TANGO6: variants seen among roughly 807,000 people sequenced by gnomAD.
TANGO6 encodes transport and Golgi organization protein 6 homolog.
TANGO6 carries 90 observed loss-of-function variants against 114.2 expected under a neutral mutation model. That is an observed-to-expected ratio of 0.79 (90% CI 0.66 to 0.94). The LOEUF (loss-of-function observed/expected upper bound fraction) is 0.94, where lower values mean the gene tolerates loss of function less well. TANGO6 is among the 40% of genes least tolerant of loss of function. The pLI, the probability that TANGO6 is intolerant of heterozygous loss-of-function variation, is 0.00. For synonymous variants in TANGO6, 477 were observed against 509.8 expected (o/e 0.94, Z 0.87); for missense variants, 1,274 against 1,315.3 (o/e 0.97, Z 0.49).
At chr16:68,930,601 A>C (rs1250929081) in intron 14 of TANGO6, among the ~76,000 whole-genome samples, 2 of 151,178 alleles carry the variant, frequency 1.3e-5, no homozygotes, top group African/African-American at 4.9e-5. Context: ...ATGAACTCTT[A>C]TCACATTAAC....
chr16:68,934,508 C>A (rs1026868539), intron 14 of TANGO6, among the ~76,000 whole-genome samples: 5 of 152,194 alleles, frequency 3.3e-5, no homozygotes, highest in African/African-American at 9.7e-5. Context: ...AACGAAAGCT[C>A]TACGAGTAAC....
intron 17 of TANGO6, among the ~76,000 whole-genome samples, chr16:69,069,591 C>G (rs1960266691): frequency 6.6e-6 from 1 of 152,126 alleles, no homozygotes; most frequent in Non-Finnish European, 1.5e-5. Flanking sequence ...TCACCTCTTT[C>G]CCCTGTCTTC....
rs756532309 is a variant in TANGO6, at chr16:68,860,145, G to A, written c.356G>A (p.Gly119Asp). The change falls in exon 2 of 18, where the codon GGT (glycine) becomes GAT (aspartate). Residue 119 changes from glycine to aspartate, a missense_variant. Around this residue, in one of 5 missense-constraint regions of TANGO6, gnomAD observed 908 missense variants for 910.2 expected, o/e 1.00. Coordinates refer to ENST00000261778, the MANE Select transcript of TANGO6 (RefSeq NM_024562.2). ...CGCCTTGCAGCTAATTTCAATCCAG[G>A]TAAACCCAACCCTAGGACTCCGGAA... is the stretch of plus-strand genomic sequence containing the variant. ...MIRLAANFNP[G>D]KPNPRTPEVA... The A allele has an allele frequency of 1.9e-6, 3 of 1,613,978 alleles. No individual in the cohort carries two copies. The highest frequency in any genetic ancestry group is 1.7e-6 in the Non-Finnish European group (2 of 1,179,892).
intron 14 of TANGO6, among the ~76,000 whole-genome samples, chr16:68,934,447 A>C (rs6499210): frequency 0.64 from 97,141 of 152,014 alleles, 32,913 homozygotes; most frequent in African/African-American, 0.89. Flanking sequence ...AAAGAGAATT[A>C]TTCAAAGAGA....
intron 7 of TANGO6, among the ~76,000 whole-genome samples, chr16:68,882,788 G>T (rs1309389622): frequency 6.6e-6 from 1 of 151,796 alleles, no homozygotes; most frequent in Non-Finnish European, 1.5e-5. Context: ...GGAGGCCAAG[G>T]CGGGCGGATC....
At chr16:68,862,760 G>A (rs981385969) in intron 2 of TANGO6, among the ~76,000 whole-genome samples, 185 bp from the exon 3 acceptor site, 6 of 152,168 alleles carry the variant, frequency 3.9e-5, no homozygotes, top group African/African-American at 9.7e-5. Context: ...TGGAGTGAGC[G>A]AGATGGAGAG....
chr16:69,072,049 G>GTGTGTGTT (rs1555530581), intron 17 of TANGO6, among the ~76,000 whole-genome samples: 3 of 147,068 alleles, frequency 2.0e-5, no homozygotes, highest in Admixed American at 6.8e-5. Flanking sequence ...GTGTGTGTGT[G>GTGTGTGTT]TGTGTGTGTG....
chr16:68,945,472 G>A (rs1329616452), intron 14 of TANGO6, among the ~76,000 whole-genome samples: 2 of 152,154 alleles, frequency 1.3e-5, no homozygotes, highest in Non-Finnish European at 2.9e-5. Flanking sequence ...TGCACTGCGT[G>A]CTTTGTTTCC....
intron 17 of TANGO6, among the ~76,000 whole-genome samples, chr16:69,055,613 A>G (rs931680453): frequency 2.0e-5 from 3 of 152,230 alleles, no homozygotes; most frequent in African/African-American, 7.2e-5. Context: ...AGCCTCCACC[A>G]TAGTCATTTG....
chr16:69,048,035 C>A (rs1959889794), intron 17 of TANGO6, among the ~76,000 whole-genome samples: 1 of 151,970 alleles, frequency 6.6e-6, no homozygotes. Flanking sequence ...TCTTCAAAAA[C>A]AAGCCAAACC....
chr16:69,013,375 C>T (rs770497283), intron 15 of TANGO6, among the ~76,000 whole-genome samples: 2 of 151,712 alleles, frequency 1.3e-5, no homozygotes, highest in Admixed American at 6.6e-5. Flanking sequence ...TTTGGGAGGC[C>T]GAAGCTGAGG....
intron 9 of TANGO6, 98 bp from the exon 10 acceptor site, chr16:68,907,345 T>C (rs1962866218): frequency 7.8e-7 from 1 of 1,277,482 alleles, no homozygotes; most frequent in African/African-American, 1.5e-5. Flanking sequence ...TGGTTAACTG[T>C]TTGGACATAA....
chr16:68,932,487 G>C (rs1342886506), intron 14 of TANGO6, among the ~76,000 whole-genome samples: 1 of 152,090 alleles, frequency 6.6e-6, no homozygotes, highest in African/African-American at 2.4e-5. Flanking sequence ...TTCTGAAATA[G>C]AAAAACAACA....
chr16:68,930,090 A>G (rs1465965772), intron 13 of TANGO6, 148 bp from the exon 14 acceptor site: 1 of 637,572 alleles, frequency 1.6e-6, no homozygotes, highest in African/African-American at 1.8e-5. Flanking sequence ...CATATATGCC[A>G]TTTCCCCCAC....
At chr16:68,850,414 A>T (rs940584137) in intron 1 of TANGO6, among the ~76,000 whole-genome samples, 3 of 152,218 alleles carry the variant, frequency 2.0e-5, no homozygotes, top group African/African-American at 7.2e-5. Flanking sequence ...ATCACACATT[A>T]TATAAAATGT....
intron 9 of TANGO6, among the ~76,000 whole-genome samples, chr16:68,905,976 C>T (rs1962844730): frequency 6.6e-6 from 1 of 152,016 alleles, no homozygotes; most frequent in African/African-American, 2.4e-5. Context: ...GTCAGAAGTT[C>T]GAGACCAGCC....
At chr16:68,869,323 C>G (rs983706572) in intron 4 of TANGO6, among the ~76,000 whole-genome samples, 3 of 152,130 alleles carry the variant, frequency 2.0e-5, no homozygotes, top group African/African-American at 7.2e-5. Context: ...ACCAAAAATA[C>G]AAAAATTAGC....
intron 7 of TANGO6, among the ~76,000 whole-genome samples, chr16:68,890,167 C>G (rs558569256): frequency 1.3e-5 from 2 of 152,278 alleles, no homozygotes; most frequent in South Asian, 4.1e-4. Context: ...CAGCTTGATT[C>G]CGAATAGGCC....
At chr16:68,972,096 G>A (rs951500855) in intron 14 of TANGO6, among the ~76,000 whole-genome samples, 9 of 151,968 alleles carry the variant, frequency 5.9e-5, no homozygotes, top group African/African-American at 2.2e-4. Flanking sequence ...CAGAGCTTCT[G>A]CTTGCATAAG....
Sources: allele counts gnomAD v4.1 joint callset (sites outside exome capture counted in the v4.1 genomes callset), GRCh38; gene constraint gnomAD v4.1.1; regional missense constraint gnomAD v4.1.1; transcripts MANE v1.5; gene names NCBI Gene and HGNC (gene_info 2026-07-23, HGNC 2026-07-21).